Variants in ZFP69 observed in about 807,000 individuals in gnomAD.
ZFP69 encodes ZFP69 zinc finger protein, also known as zinc finger protein 69 homolog.
ZFP69 carries 35 observed loss-of-function variants against 48.9 expected under a neutral mutation model. The ratio of observed to expected loss-of-function variants is 0.72; its 90% CI spans 0.55 to 0.95. The LOEUF is 0.95. Among genes scored for constraint, ZFP69 ranks in the 40% least tolerant of loss-of-function variants. The probability of loss-of-function intolerance (pLI) is 0.00; values close to 1 mark genes in which losing one functional copy is unlikely to be tolerated. For synonymous variants in ZFP69, 193 were observed against 216.8 expected (o/e 0.89, Z 0.96); for missense variants, 557 against 638.4 (o/e 0.87, Z 1.37).
intron 3 of ZFP69, among the ~76,000 whole-genome samples, chr1:40,487,937 C>T (rs928028777): frequency 1.3e-5 from 2 of 151,898 alleles, no homozygotes; most frequent in African/African-American, 4.8e-5. Flanking sequence ...ATACCAGCTA[C>T]CTGGGAGGCT....
intron 3 of ZFP69, among the ~76,000 whole-genome samples, chr1:40,487,170 G>A (rs1297015074): frequency 3.9e-5 from 6 of 151,916 alleles, no homozygotes; most frequent in South Asian, 2.1e-4. Context: ...TGATCCGCCC[G>A]CATCAGCCTC....
intron 5 of ZFP69, among the ~76,000 whole-genome samples, chr1:40,491,980 T>G (rs1387420981): frequency 6.6e-6 from 1 of 152,124 alleles, no homozygotes; most frequent in Non-Finnish European, 1.5e-5. Context: ...TCTTTATTGT[T>G]TGTGCTTTTT....
Position 40,495,004 on chromosome 1 carries a change from G to T in ZFP69, c.526G>T (p.Glu176Ter), listed in dbSNP as rs772596917. ...QERLYHGIMMESFMRDDIIYS... is the reference protein window; with the variant it reads ...QERLYHGIMM ...GCGCTTATATCATGGCATTATGATGGAAAGTTTCATGAGGGATGATATAAT... is the reference window on the plus strand; with the variant it reads ...GCGCTTATATCATGGCATTATGATGTAAAGTTTCATGAGGGATGATATAAT... Residue 176 changes from glutamate to a stop codon, truncating the protein, a stop_gained, in exon 6 of 6, where the codon GAA becomes TAA. Transcript: ENST00000372706. LOFTEE classifies it high-confidence loss of function. The T allele has an allele frequency of 3.1e-6, 5 of 1,613,914 alleles. No homozygotes were observed. Among genetic ancestry groups the T allele is most frequent in the Admixed American group, 1.7e-5 (1 of 59,974 alleles).
intron 5 of ZFP69, 117 bp downstream of exon 5, chr1:40,489,741 C>A: frequency 1.4e-6 from 1 of 701,546 alleles, no homozygotes; most frequent in Non-Finnish European, 2.3e-6. Context: ...GTACAGGAAG[C>A]ATGGCACTGG....
chr1:40,488,996 T>C, intron 3 of ZFP69, 92 bp from the exon 4 acceptor site: 4 of 1,535,904 alleles, frequency 2.6e-6, no homozygotes, highest in Non-Finnish European at 3.6e-6. Flanking sequence ...AAAGTAAGTT[T>C]AGAATCTCTC....
rs1421694745 is a variant in ZFP69 at position 40,489,563 on chromosome 1, G to C, written c.381G>C (p.Gln127His). 6.2e-7 allele frequency: 1 copy of C among 1,613,666 alleles called. No individual in the cohort carries two copies. The highest frequency in any genetic ancestry group is 1.1e-5 in the South Asian group (1 of 91,060). ...TTTCCAAACCTAGTGTGATATCCCA[G>C]TTAGAGAAAGGAGAAGAGCCATGGA... ...YQLSKPSVIS[Q>H]LEKGEEPWMA... The change falls in exon 5 of 6, where the codon CAG becomes CAC. Residue 127 changes from glutamine (Q) to histidine (H), a missense_variant. Transcript: ENST00000372706.
intron 2 of ZFP69, 102 bp from the exon 3 acceptor site, chr1:40,481,661 A>C (rs1246972363): frequency 5.8e-6 from 5 of 867,108 alleles, no homozygotes; most frequent in Non-Finnish European, 8.9e-6. Context: ...CCTCTTTGTG[A>C]ACCTTTTTGG....
At chr1:40,491,536 C>CT (rs970174595) in intron 5 of ZFP69, among the ~76,000 whole-genome samples, 3 of 152,226 alleles carry the variant, frequency 2.0e-5, no homozygotes, top group African/African-American at 7.2e-5. Flanking sequence ...TATTGTCAAA[C>CT]TTTAAGATTT....
Position 40,496,077 on chromosome 1 carries a change from G to C in ZFP69, c.*18G>C. On this transcript the variant is annotated 3_prime_UTR_variant, in exon 6 of 6. Coordinates refer to ENST00000372706, the MANE Select transcript of ZFP69 (RefSeq NM_001320179.2). ...AGGTGTAAAAACAGATATTTGACTT[G>C]AGAACAAAAGCCAAGTGTAAATTGG... 1 of 1,537,888 alleles carries C rather than the reference G, an allele frequency of 6.5e-7. No individual in the cohort carries two copies. Among genetic ancestry groups the C allele is most frequent in the Non-Finnish European group, 8.7e-7 (1 of 1,145,534 alleles).
At chr1:40,486,924 GA>G (rs1645506194) in intron 3 of ZFP69, among the ~76,000 whole-genome samples, 1 of 138,060 alleles carries the variant, frequency 7.2e-6, no homozygotes, top group Non-Finnish European at 1.5e-5. Context: ...ATTTACAGTT[GA>G]TTTTTTTTTT....
intron 5 of ZFP69, chr1:40,493,388 A>G (rs1290926639): frequency 6.6e-6 from 1 of 152,200 alleles, no homozygotes; most frequent in Non-Finnish European, 1.5e-5. Context: ...TGAAAATAAT[A>G]ATAAAAGCTA....
At chr1:40,488,040 CAAAAAAA>C (rs559767416) in intron 3 of ZFP69, among the ~76,000 whole-genome samples, 3 of 63,914 alleles carry the variant, frequency 4.7e-5, no homozygotes, top group Non-Finnish European at 6.6e-5. Flanking sequence ...GACTCTGTCT[CAAAAAAA>C]AAAAAAAAAA....
chr1:40,495,197 A>G lies in ZFP69; in HGVS notation c.719A>G (p.Gln240Arg). The G allele has an allele frequency of 6.2e-7, 1 of 1,614,194 alleles. No individual in the cohort carries two copies. Among genetic ancestry groups the G allele is most frequent in the Non-Finnish European group, 8.5e-7 (1 of 1,180,024 alleles). The change falls in exon 6 of 6, where the codon CAG becomes CGG. Residue 240 changes from glutamine (Q) to arginine (R), a missense_variant. Gln to Arg is a conservative substitution (Grantham distance 43, BLOSUM62 1). Transcript: ENST00000372706. ...IIVHSNVIIE[Q>R]RHHKYDTPTK... ...GTGCATTCAAATGTTATTATTGAAC[A>G]GAGGCACCATAAATATGATACACCT... is the stretch of plus-strand genomic sequence containing the variant.
chr1:40,490,888 T>C (rs958810359), intron 5 of ZFP69: 13 of 152,228 alleles, frequency 8.5e-5, no homozygotes, highest in African/African-American at 2.9e-4. Context: ...TGAAATATTT[T>C]AGACACTCAG....
intron 5 of ZFP69, among the ~76,000 whole-genome samples, 197 bp from the exon 6 acceptor site, chr1:40,494,724 A>AATAT (rs34727760): frequency 1.4e-5 from 2 of 143,680 alleles, no homozygotes; most frequent in Admixed American, 7.1e-5. Context: ...ATATATATCA[A>AATAT]ATATATATAT....
intron 2 of ZFP69, among the ~76,000 whole-genome samples, 178 bp downstream of exon 2, chr1:40,479,666 T>A (rs537961023): frequency 6.6e-6 from 1 of 152,170 alleles, no homozygotes; most frequent in South Asian, 2.1e-4. Flanking sequence ...ATGGACTCCT[T>A]GTGACACGTG....
intron 5 of ZFP69, among the ~76,000 whole-genome samples, chr1:40,489,866 C>CTTTTTTTTTTTTT (rs374820239): frequency 3.5e-5 from 4 of 115,422 alleles, no homozygotes; most frequent in Admixed American, 9.6e-5. Flanking sequence ...TTTTCTTTTT[C>CTTTTTTTTTTTTT]TTTTTTTTTT....
At chr1:40,486,351 T>C (rs971026545) in intron 3 of ZFP69, among the ~76,000 whole-genome samples, 1 of 151,990 alleles carries the variant, frequency 6.6e-6, no homozygotes, top group Admixed American at 6.6e-5. Flanking sequence ...ACCTATTCCC[T>C]CTTCTGAGAT....
intron 3 of ZFP69, among the ~76,000 whole-genome samples, chr1:40,488,170 T>TAC (rs35093961): frequency 0.19 from 28,640 of 147,580 alleles, 3,127 homozygotes; most frequent in African/African-American, 0.31. Context: ...TTTGTATGTA[T>TAC]ACACACACAC....
Sources: allele counts gnomAD v4.1 joint callset (sites outside exome capture counted in the v4.1 genomes callset), GRCh38; gene constraint gnomAD v4.1.1; transcripts MANE v1.5; gene names NCBI Gene and HGNC (gene_info 2026-07-23, HGNC 2026-07-21).